Variants in PIGL observed in about 807,000 individuals in gnomAD.
PIGL encodes the protein N-acetylglucosaminyl-phosphatidylinositol de-N-acetylase.
PIGL carries 22 observed loss-of-function variants against 31.1 expected under a neutral mutation model. The ratio of observed to expected loss-of-function variants is 0.71; its 90% CI spans 0.51 to 1.01. PIGL has a LOEUF of 1.01. Among genes scored for constraint, PIGL ranks in the 50% least tolerant of loss-of-function variants. The pLI is 0.00. For synonymous variants in PIGL, 131 were observed against 117.4 expected (o/e 1.12, Z -0.75); for missense variants, 302 against 315.9 (o/e 0.96, Z 0.33).
Position 16,234,068 on chromosome 17 carries a change from C to A in PIGL, c.333C>A (p.Asn111Lys), listed in dbSNP as rs189572029. The A allele has an allele frequency of 2.1e-4, 308 of 1,498,514 alleles. 1 individual carries two copies. The highest frequency in any genetic ancestry group is 2.2e-5 in the Non-Finnish European group (24 of 1,075,688). 92.8% of individuals were successfully genotyped at this position (1,498,514 alleles called of 1,614,324 possible). A position where few individuals can be genotyped will look rare whatever the true frequency, so the allele number is the denominator to read the frequency against. The part of the protein sequence containing the change: ...IPLSSVMIID[N>K]RDFPDDPGMQ... Reference sequence around the variant, plus strand: ...TCTCCAGTGTAATGATTATTGACAACAGGTAATATATCTTTTAACAATGTA... The same window carrying A: ...TCTCCAGTGTAATGATTATTGACAAAAGGTAATATATCTTTTAACAATGTA... Residue 111 changes from asparagine (N) to lysine (K), a missense_variant and splice_region_variant, in exon 2 of 7, where the codon AAC becomes AAA. Coordinates refer to ENST00000225609, the MANE Select transcript of PIGL (RefSeq NM_004278.4).
intron 2 of PIGL, among the ~76,000 whole-genome samples, chr17:16,242,452 G>A (rs981463457): frequency 1.3e-5 from 2 of 151,760 alleles, no homozygotes; most frequent in African/African-American, 4.8e-5. Context: ...AGATTTTTTG[G>A]TTAAGAATTT....
chr17:16,279,878 G>A (rs2092909545), intron 2 of PIGL: 1 of 152,254 alleles, frequency 6.6e-6, no homozygotes, highest in Non-Finnish European at 1.5e-5. Context: ...GGGCCTTGCT[G>A]TGATTCTGGG....
At chr17:16,233,421 G>A (rs2092686964) in intron 1 of PIGL, among the ~76,000 whole-genome samples, 1 of 152,102 alleles carries the variant, frequency 6.6e-6, no homozygotes, top group African/African-American at 2.4e-5. Flanking sequence ...TCCCCTTGGG[G>A]TATGCTGGAT....
chr17:16,240,619 G>A (rs1479236274), intron 2 of PIGL, among the ~76,000 whole-genome samples: 1 of 151,604 alleles, frequency 6.6e-6, no homozygotes, highest in South Asian at 2.1e-4. Context: ...TTCCACCTCA[G>A]CCTCCCGAGT....
At position 16,277,736 on chromosome 17, in the gene PIGL, GACA is replaced by G. The variant is rs2092901603; in HGVS notation, c.336-22147_336-22145del. Among the ~76,000 whole-genome samples the G allele has an allele frequency of 2.0e-5, 3 of 152,124 alleles. No homozygotes were observed. The South Asian group carries it at 6.2e-4, about 32-fold the overall frequency. ...CACCTTCTAAAGAGGACAAAGACAA[GACA>G]ACAATTGTCCGTGGGTGACAAAACA... On this transcript the variant is annotated intron_variant, in intron 2 of 6. Coordinates refer to ENST00000225609, the MANE Select transcript of PIGL (RefSeq NM_004278.4).
chr17:16,279,276 AC>A (rs1284646497), intron 2 of PIGL, among the ~76,000 whole-genome samples: 1 of 152,240 alleles, frequency 6.6e-6, no homozygotes, highest in Non-Finnish European at 1.5e-5. Context: ...AGTAAAGGAA[AC>A]AAAAGAATGG....
chr17:16,280,103 A>G (rs1354963794), intron 2 of PIGL, among the ~76,000 whole-genome samples: 1 of 152,238 alleles, frequency 6.6e-6, no homozygotes, highest in Non-Finnish European at 1.5e-5. Context: ...GGAAGAGCCT[A>G]GAGCTTGATG....
intron 2 of PIGL, among the ~76,000 whole-genome samples, chr17:16,249,094 G>T (rs572999038): frequency 6.6e-6 from 1 of 152,284 alleles, no homozygotes; most frequent in African/African-American, 2.4e-5. Context: ...CCACAGTTTT[G>T]CTTTCTGTGG....
At chr17:16,245,238 G>T (rs1337041186) in intron 2 of PIGL, among the ~76,000 whole-genome samples, 2 of 151,988 alleles carry the variant, frequency 1.3e-5, no homozygotes, top group East Asian at 1.9e-4. Flanking sequence ...TGATCCACCC[G>T]CCTCGGCCTC....
chr17:16,285,895 C>T (rs1488187792), intron 2 of PIGL, among the ~76,000 whole-genome samples: 3 of 152,322 alleles, frequency 2.0e-5, no homozygotes, highest in South Asian at 4.1e-4. Flanking sequence ...GCAGCTTAGA[C>T]TTCATTTCTT....
chr17:16,273,614 G>A (rs57958152), intron 2 of PIGL, among the ~76,000 whole-genome samples: 8,217 of 115,158 alleles, frequency 0.071, 750 homozygotes, highest in African/African-American at 0.22. Flanking sequence ...GCAGTGGCAG[G>A]GGAAATTGAG....
At chr17:16,242,745 T>A (rs2092728452) in intron 2 of PIGL, among the ~76,000 whole-genome samples, 1 of 145,862 alleles carries the variant, frequency 6.9e-6, no homozygotes, top group East Asian at 2.0e-4. Flanking sequence ...GCCTCCTGAG[T>A]AGCTGAGATT....
At chr17:16,252,719 T>C (rs962360661) in intron 2 of PIGL, among the ~76,000 whole-genome samples, 1 of 152,136 alleles carries the variant, frequency 6.6e-6, no homozygotes, top group African/African-American at 2.4e-5. Flanking sequence ...CTGTGTACAT[T>C]TTGATAATAT....
chr17:16,238,407 A>G (rs2092708548), intron 2 of PIGL, among the ~76,000 whole-genome samples: 1 of 150,062 alleles, frequency 6.7e-6, no homozygotes, highest in African/African-American at 2.4e-5. Context: ...TTTAAACCTT[A>G]GTGGAAGGTA....
At chr17:16,244,226 A>G (rs1199929461) in intron 2 of PIGL, among the ~76,000 whole-genome samples, 1 of 152,202 alleles carries the variant, frequency 6.6e-6, no homozygotes, top group African/African-American at 2.4e-5. Flanking sequence ...TACAAAGGCA[A>G]TCTAGTCCCC....
At chr17:16,278,247 G>A (rs1414769186) in intron 2 of PIGL, among the ~76,000 whole-genome samples, 1 of 152,062 alleles carries the variant, frequency 6.6e-6, no homozygotes, top group African/African-American at 2.4e-5. Flanking sequence ...GTAGAAACAG[G>A]GTTTCGCCAT....
intron 1 of PIGL, among the ~76,000 whole-genome samples, chr17:16,218,375 A>G (rs2092608049): frequency 6.6e-6 from 1 of 152,148 alleles, no homozygotes; most frequent in Admixed American, 6.6e-5. Flanking sequence ...GCTAGGCCTT[A>G]TTCTATGCCC....
intron 2 of PIGL, among the ~76,000 whole-genome samples, chr17:16,286,897 C>T (rs927673884): frequency 2.0e-5 from 3 of 152,198 alleles, no homozygotes; most frequent in African/African-American, 7.2e-5. Flanking sequence ...CTCTCCTTCC[C>T]GCAGCAAACT....
chr17:16,269,134 T>A (rs974121710), intron 2 of PIGL, among the ~76,000 whole-genome samples: 2 of 152,220 alleles, frequency 1.3e-5, no homozygotes, highest in African/African-American at 4.8e-5. Flanking sequence ...TAGGAGTAAA[T>A]GCTGTCATTA....
Sources: gnomAD v4.1 joint callset for allele counts (sites outside exome capture counted in the v4.1 genomes callset) on GRCh38, gnomAD v4.1.1 for gene constraint, MANE v1.5 for transcripts, NCBI Gene and HGNC (gene_info 2026-07-23, HGNC 2026-07-21) for gene names.